PNLIP: variants seen among roughly 807,000 people sequenced by gnomAD.
The protein encoded by PNLIP is pancreatic lipase.
In PNLIP, 49 loss-of-function variants were observed where a neutral mutation model predicts 57.1. That is an observed-to-expected ratio of 0.86 (90% CI 0.68 to 1.09). The LOEUF is 1.09. Among genes scored for constraint, PNLIP ranks in the 50% least tolerant of loss-of-function variants. The pLI, the probability that PNLIP is intolerant of heterozygous loss-of-function variation, is 0.00. For missense variants in PNLIP, 503 were observed against 570.2 expected (o/e 0.88, Z 1.20); for synonymous variants, 209 against 200.4 (o/e 1.04, Z -0.36).
At chr10:116,560,633 A>C in intron 11 of PNLIP, 109 bp downstream of exon 11, 1 of 549,532 alleles carries the variant, frequency 1.8e-6, no homozygotes, top group Non-Finnish European at 3.1e-6. Context: ...GCTGGAGTGT[A>C]GTGGTGCAAT....
At chr10:116,561,729 C>A in intron 12 of PNLIP, 93 bp downstream of exon 12, 1 of 1,108,920 alleles carries the variant, frequency 9.0e-7, no homozygotes, top group Non-Finnish European at 1.3e-6. Context: ...AAACCTCCTA[C>A]AGGGGATCGC....
chr10:116,564,317 G>T (rs975600428), intron 12 of PNLIP, among the ~76,000 whole-genome samples: 3 of 151,950 alleles, frequency 2.0e-5, no homozygotes, highest in Non-Finnish European at 2.9e-5. Context: ...CACATTAGAA[G>T]AGTAAAGAAA....
At position 116,555,402 on chromosome 10, in the gene PNLIP, C is replaced by CAA; in HGVS notation, c.707_708dup (p.Val237LysfsTer6). 1 of 1,614,036 alleles carries CAA rather than the reference C, an allele frequency of 6.2e-7. No individual in the cohort carries two copies. Among genetic ancestry groups the CAA allele is most frequent in the Non-Finnish European group, 8.5e-7 (1 of 1,179,980 alleles). On this transcript the variant is annotated frameshift_variant, in exon 8 of 13. Coordinates refer to ENST00000369221, the MANE Select transcript of PNLIP (RefSeq NM_000936.4). LOFTEE classifies it high-confidence loss of function. ...TATGATTTCAGGGTTTGGAATGAGCCAAGTCGTGGGCCACCTAGATTTCTT... is the reference window on the plus strand; with the variant it reads ...TATGATTTCAGGGTTTGGAATGAGCCAAAAGTCGTGGGCCACCTAGATTTCTT...
chr10:116,555,536 T>G lies in PNLIP; in HGVS notation c.811+29T>G, dbSNP rs1306142898. On this transcript the variant is annotated intron_variant, in intron 8 of 12. Coordinates refer to ENST00000369221, the MANE Select transcript of PNLIP (RefSeq NM_000936.4). The stretch of plus-strand genomic sequence containing the variant: ...GAACTATTATGTGTAGAAAGAGATC[T>G]TCTTGGGAGAAAGCTTGTGTTTTGT... The G allele has an allele frequency of 3.7e-6, 6 of 1,604,084 alleles. No homozygotes were observed. The South Asian group carries it at 6.7e-5, about 18-fold the overall frequency.
At chr10:116,561,318 A>G (rs183385134) in intron 11 of PNLIP, among the ~76,000 whole-genome samples, 154 bp from the exon 12 acceptor site, 18 of 152,368 alleles carry the variant, frequency 1.2e-4, no homozygotes, top group Admixed American at 9.8e-4. Context: ...ATGCAAATGT[A>G]CTGCCAATCA....
At chr10:116,552,837 G>A (rs1289372421) in intron 5 of PNLIP, among the ~76,000 whole-genome samples, 1 of 152,134 alleles carries the variant, frequency 6.6e-6, no homozygotes, top group South Asian at 2.1e-4. Context: ...AGTGAGCTGA[G>A]ATCGTGCCAC....
chr10:116,545,985 C>T, intron 1 of PNLIP, 27 bp downstream of exon 1: 1 of 932,594 alleles, frequency 1.1e-6, no homozygotes, highest in East Asian at 2.4e-5. Context: ...TTTTCCAGGC[C>T]TAATTGATCA....
intron 1 of PNLIP, 29 bp downstream of exon 1, chr10:116,545,987 A>T (rs1319551026): frequency 1.1e-6 from 1 of 944,204 alleles, no homozygotes; most frequent in Non-Finnish European, 1.7e-6. Context: ...TTCCAGGCCT[A>T]ATTGATCAGA....
chr10:116,551,017 T>C (rs1847184602), intron 4 of PNLIP, 81 bp from the exon 5 acceptor site: 1 of 1,195,388 alleles, frequency 8.4e-7, no homozygotes, highest in Non-Finnish European at 1.1e-6. Flanking sequence ...GGAGGGAATT[T>C]ATCCTAGTCC....
Position 116,546,131 on chromosome 10 carries a change from A to G in PNLIP, c.39A>G (p.Ala13=), listed in dbSNP as rs1195004123. Residue 13 remains alanine, a synonymous_variant, in exon 2 of 13, where the codon GCA becomes GCG. Coordinates refer to ENST00000369221, the MANE Select transcript of PNLIP (RefSeq NM_000936.4). ...PLWTLSLLLG[A]VAGKEVCYER... is the part of the protein sequence containing the mutation. ...GGACTCTTTCACTGCTGCTGGGAGC[A>G]GTAGCAGGTAAGAAAACAAATAAAT... 3.1e-6 allele frequency: 5 copies of G among 1,613,494 alleles called. No homozygotes were observed. In the African/African-American group the frequency reaches 5.3e-5, roughly 17 times the overall value.
At chr10:116,551,521 CA>C (rs1847193803) in intron 5 of PNLIP, among the ~76,000 whole-genome samples, 1 of 151,956 alleles carries the variant, frequency 6.6e-6, no homozygotes, top group African/African-American at 2.4e-5. Context: ...TAGTTATTAC[CA>C]ATGTCAACCT....
At chr10:116,563,625 A>T (rs1217739652) in intron 12 of PNLIP, among the ~76,000 whole-genome samples, 1 of 152,132 alleles carries the variant, frequency 6.6e-6, no homozygotes, top group Non-Finnish European at 1.5e-5. Context: ...CCCACATAAC[A>T]GTGAGAACAT....
chr10:116,553,261 A>G (rs768162123), intron 5 of PNLIP, among the ~76,000 whole-genome samples: 2 of 152,018 alleles, frequency 1.3e-5, no homozygotes, highest in Non-Finnish European at 2.9e-5. Context: ...ACCCACCACC[A>G]CGCCCAGGTA....
At position 116,560,428 on chromosome 10, in the gene PNLIP, A is replaced by G; in HGVS notation, c.1073A>G (p.Lys358Arg). Residue 358 changes from lysine to arginine, a missense_variant, in exon 11 of 13, where the codon AAG becomes AGG. Physicochemically the swap from Lys to Arg is conservative, Grantham distance 26. Transcript: ENST00000369221. ...DASNFARWRYKVSVTLSGKKV... is the reference protein window; with the variant it reads ...DASNFARWRYRVSVTLSGKKV... ...TTCTCCCTTGCAGGTTGGAGGTATA[A>G]GGTATCTGTCACACTGTCTGGAAAA... 2 of 1,587,354 alleles carry G rather than the reference A, an allele frequency of 1.3e-6. No homozygotes were observed. Among genetic ancestry groups the G allele is most frequent in the Non-Finnish European group, 1.7e-6 (2 of 1,165,830 alleles).
At chr10:116,546,043 G>C (rs376286190) in intron 1 of PNLIP, 50 bp from the exon 2 acceptor site, 10 of 1,560,506 alleles carry the variant, frequency 6.4e-6, no homozygotes, top group Middle Eastern at 1.7e-4. Context: ...AAAACTTGCC[G>C]ATCTTTTAAA....
intron 2 of PNLIP, among the ~76,000 whole-genome samples, chr10:116,546,776 T>C (rs1847130332): frequency 1.3e-5 from 2 of 152,224 alleles, no homozygotes; most frequent in South Asian, 2.1e-4. Flanking sequence ...TGGAGTGACA[T>C]TCAAGCCTAG....
chr10:116,556,653 T>C (rs1847256656), intron 9 of PNLIP, among the ~76,000 whole-genome samples: 1 of 152,124 alleles, frequency 6.6e-6, no homozygotes, highest in Non-Finnish European at 1.5e-5. Flanking sequence ...GTTACATAGG[T>C]AAATGTGTGC....
In PNLIP at chr10:116,560,480, T is replaced by C. The variant is rs1169428585; in HGVS notation, c.1125T>C (p.Ser375=). The C allele has an allele frequency of 5.0e-6, 8 of 1,607,672 alleles. No individual in the cohort carries two copies. Among genetic ancestry groups the C allele is most frequent in the Non-Finnish European group, 6.8e-6 (8 of 1,175,028 alleles). ...GKKVTGHILV[S]LFGNKGNSKQ... ...AGGTTACAGGACACATACTAGTTTC[T>C]TTGTTCGGAAATAAAGGAAACTCTA... The change falls in exon 11 of 13, where the codon TCT becomes TCC. Residue 375 remains serine (S), a synonymous_variant. Coordinates refer to ENST00000369221, the MANE Select transcript of PNLIP (RefSeq NM_000936.4).
intron 12 of PNLIP, among the ~76,000 whole-genome samples, chr10:116,567,149 CTT>C (rs1847377100): frequency 6.9e-6 from 1 of 145,832 alleles, no homozygotes; most frequent in African/African-American, 2.5e-5. Context: ...CTTTTCTTCT[CTT>C]TCTTTCTTTT....
Sources: gnomAD v4.1 joint callset for allele counts (sites outside exome capture counted in the v4.1 genomes callset) on GRCh38, gnomAD v4.1.1 for gene constraint, MANE v1.5 for transcripts, NCBI Gene and HGNC (gene_info 2026-07-23, HGNC 2026-07-21) for gene names.